The following FOXP2 variants were observed in gnomAD, a reference collection of about 807,000 sequenced individuals.
The protein encoded by FOXP2 is forkhead box protein P2.
FOXP2 carries 12 observed loss-of-function variants against 115.8 expected under a neutral mutation model. The ratio of observed to expected loss-of-function variants is 0.10; its 90% CI spans 0.07 to 0.17. The LOEUF is 0.17. Among genes scored for constraint, FOXP2 ranks in the 10% least tolerant of loss-of-function variants. FOXP2 has a pLI of 1.00. For synonymous variants in FOXP2, 328 were observed against 297.7 expected (o/e 1.10, Z -1.05); for missense variants, 629 against 843.5 (o/e 0.75, Z 3.15).
intron 2 of FOXP2, among the ~76,000 whole-genome samples, chr7:114,449,557 C>A (rs1386513741): frequency 6.6e-6 from 1 of 151,994 alleles, no homozygotes. Context: ...ATGGATGGGT[C>A]ATTCTGTGAA....
At chr7:114,668,882 C>T (rs1470015793) in intron 16 of FOXP2, 2 of 152,032 alleles carry the variant, frequency 1.3e-5, no homozygotes, top group African/African-American at 4.8e-5. Flanking sequence ...GGTTTGACTT[C>T]ACAAAGTCAT....
intron 1 of FOXP2, among the ~76,000 whole-genome samples, chr7:114,112,129 G>T (rs1041228541): frequency 1.1e-4 from 17 of 151,900 alleles, no homozygotes; most frequent in African/African-American, 4.1e-4. Context: ...TGCCACAAAT[G>T]CTAGTAGAGG....
intron 16 of FOXP2, among the ~76,000 whole-genome samples, chr7:114,681,680 T>G (rs2039684680): frequency 6.6e-6 from 1 of 152,186 alleles, no homozygotes; most frequent in South Asian, 2.1e-4. Flanking sequence ...GCTTAGTATT[T>G]TAGTGACCCA....
intron 3 of FOXP2, among the ~76,000 whole-genome samples, chr7:114,558,341 AG>A (rs1390339987): frequency 6.6e-6 from 1 of 152,218 alleles, no homozygotes; most frequent in African/African-American, 2.4e-5. Context: ...TAACACTAAT[AG>A]GACTCCAGAT....
chr7:114,105,197 A>AT (rs956736358), intron 1 of FOXP2, among the ~76,000 whole-genome samples: 24 of 151,924 alleles, frequency 1.6e-4, no homozygotes, highest in Non-Finnish European at 2.9e-4. Flanking sequence ...TTTTTGTGTA[A>AT]TTTTTTCTGT....
chr7:114,410,466 T>G (rs1793136617), upstream of FOXP2, among the ~76,000 whole-genome samples: 1 of 152,252 alleles, frequency 6.6e-6, no homozygotes, highest in East Asian at 1.9e-4. Context: ...TGTCTTCATC[T>G]GTAAAAAAGG....
At chr7:114,266,013 A>G (rs1295881323) in intron 1 of FOXP2, among the ~76,000 whole-genome samples, 1 of 152,024 alleles carries the variant, frequency 6.6e-6, no homozygotes, top group East Asian at 1.9e-4. Flanking sequence ...GCTGCTGTGA[A>G]GGTCTCTGAA....
intron 3 of FOXP2, among the ~76,000 whole-genome samples, chr7:114,617,091 T>C (rs1803991626): frequency 6.6e-6 from 1 of 152,072 alleles, no homozygotes; most frequent in Non-Finnish European, 1.5e-5. Context: ...TCTTTAAAAA[T>C]AAAAATTAAA....
chr7:114,442,744 C>T (rs1014682617), intron 2 of FOXP2, among the ~76,000 whole-genome samples: 2 of 152,048 alleles, frequency 1.3e-5, no homozygotes, highest in African/African-American at 4.8e-5. Context: ...TTACAGACGT[C>T]AGCAGCCATG....
At chr7:114,228,716 C>A (rs1295498301) in intron 1 of FOXP2, among the ~76,000 whole-genome samples, 1 of 151,526 alleles carries the variant, frequency 6.6e-6, no homozygotes, top group Non-Finnish European at 1.5e-5. Flanking sequence ...TGCATGTAAA[C>A]TCCATGGTAA....
chr7:114,689,689 G>A (rs891214337), intron 16 of FOXP2, 93 bp from the exon 17 acceptor site: 14 of 1,270,832 alleles, frequency 1.1e-5, no homozygotes, highest in Non-Finnish European at 6.8e-6. Flanking sequence ...GTGTCTTCTT[G>A]CCTTTTTTCA....
At chr7:114,319,406 C>G (rs575546936) in intron 2 of FOXP2, among the ~76,000 whole-genome samples, 1 of 152,290 alleles carries the variant, frequency 6.6e-6, no homozygotes, top group Non-Finnish European at 1.5e-5. Flanking sequence ...TCCATTTTCA[C>G]AGAAAGCATA....
intron 2 of FOXP2, among the ~76,000 whole-genome samples, chr7:114,525,558 A>C (rs1798816692): frequency 6.6e-6 from 1 of 152,184 alleles, no homozygotes; most frequent in South Asian, 2.1e-4. Flanking sequence ...ACAGTGATAG[A>C]AAAGCTTCCC....
chr7:114,513,379 C>G (rs1193282797), intron 2 of FOXP2, among the ~76,000 whole-genome samples: 1 of 152,004 alleles, frequency 6.6e-6, no homozygotes, highest in East Asian at 1.9e-4. Flanking sequence ...GTAAGGGTAT[C>G]AAAATTTACC....
intron 7 of FOXP2, among the ~76,000 whole-genome samples, chr7:114,643,305 A>G (rs1805685726): frequency 6.6e-6 from 1 of 152,166 alleles, no homozygotes; most frequent in East Asian, 1.9e-4. Flanking sequence ...TTAATTTCAA[A>G]TAATTAAAGA....
intron 2 of FOXP2, among the ~76,000 whole-genome samples, chr7:114,309,815 C>T (rs192315467): frequency 6.6e-6 from 1 of 151,474 alleles, no homozygotes; most frequent in East Asian, 1.9e-4. Flanking sequence ...CAGCCACATG[C>T]CACCACACTC....
rs569225873 is a variant in FOXP2 at position 114,093,101 on chromosome 7, T to C, written c.-247+5263T>C. On this transcript the variant is annotated intron_variant, in intron 1 of 19. Coordinates refer to the FOXP2 transcript ENST00000635638. ...GTATAAGCCTTCCAAAAGCTTCTTA[T>C]GTCTCTCAGAATAAAATAGATGTTA... Among the ~76,000 whole-genome samples, 258 of 152,304 alleles carry C rather than the reference T, an allele frequency of 1.7e-3. 1 individual carries two copies. The highest frequency in any genetic ancestry group is 3.1e-3 in the Admixed American group (47 of 15,302).
chr7:114,547,653 G>A (rs1799996841), intron 3 of FOXP2, among the ~76,000 whole-genome samples: 1 of 152,100 alleles, frequency 6.6e-6, no homozygotes. Context: ...CAGCAACTTG[G>A]GAGGCTGAGA....
upstream of FOXP2, chr7:114,086,570 G>T: frequency 4.8e-6 from 2 of 412,528 alleles, no homozygotes; most frequent in South Asian, 1.7e-5. Context: ...GCCGCCGCGG[G>T]TGCCACCTCC....
Sources: allele counts gnomAD v4.1 joint callset (sites outside exome capture counted in the v4.1 genomes callset), GRCh38; gene constraint gnomAD v4.1.1; transcripts MANE v1.5; gene names NCBI Gene and HGNC (gene_info 2026-07-23, HGNC 2026-07-21).